The following CNKSR2 variants were observed in gnomAD, a reference collection of about 807,000 sequenced individuals.
CNKSR2 encodes the protein connector enhancer of kinase suppressor of Ras 2.
A neutral mutation model predicts 84.4 loss-of-function variants in CNKSR2; 14 were observed. That is an observed-to-expected ratio of 0.17 (90% CI 0.11 to 0.26). The LOEUF is 0.26. CNKSR2 is among the 10% of genes least tolerant of loss of function. The probability of loss-of-function intolerance (pLI) is 1.00; values close to 1 mark genes in which losing one functional copy is unlikely to be tolerated. For missense variants in CNKSR2, 485 were observed against 771.2 expected, an observed-to-expected ratio of 0.63 and a Z score of 4.40; for synonymous variants, 275 against 277.9, an observed-to-expected ratio of 0.99 and a Z score of 0.10.
intron 5 of CNKSR2, among the ~76,000 whole-genome samples, chrX:21,479,926 C>T (rs1232469789): frequency 1.8e-5 from 2 of 110,968 alleles, no homozygotes; most frequent in African/African-American, 3.3e-5. Context: ...TGTGGGACTG[C>T]ATGATCTGGA....
chrX:21,632,103 A>G (rs936052574), intron 20 of CNKSR2, among the ~76,000 whole-genome samples: 5 of 112,361 alleles, frequency 4.4e-5, no homozygotes, highest in Non-Finnish European at 9.4e-5. Context: ...TTGATTTTAC[A>G]TCTTAGTAAT....
In CNKSR2 at chrX:21,601,377, A is replaced by T. The variant is rs776217137; in HGVS notation, c.2044+28A>T. 3.2e-6 allele frequency: 3 copies of T among 931,007 alleles called. No individual in the cohort carries two copies. The East Asian group carries it at 9.5e-5, about 29-fold the overall frequency. 76.7% of individuals were successfully genotyped at this position (931,007 alleles called of 1,213,427 possible). A position where few individuals can be genotyped will look rare whatever the true frequency, so the allele number is the denominator to read the frequency against. On this transcript the variant is annotated intron_variant, in intron 18 of 21. Transcript: ENST00000379510. ...AAAGGAATACTTTTTTAAAATAATT[A>T]TGTTATACTTTTTTTCCTGCAGTTA...
At chrX:21,516,131 A>AT (rs1316022381) in intron 8 of CNKSR2, among the ~76,000 whole-genome samples, 1 of 111,386 alleles carries the variant, frequency 9.0e-6, no homozygotes, top group Non-Finnish European at 1.9e-5. Context: ...AGGCATATAG[A>AT]TTTTTTAACT....
chrX:21,609,566 G>A lies in CNKSR2; in HGVS notation c.2641G>A (p.Glu881Lys). Residue 881 changes from glutamate to lysine, a missense_variant, in exon 20 of 22, where the codon GAG becomes AAG. Physicochemically the swap from Glu to Lys is moderately conservative, Grantham distance 56. Around this residue, in one of 5 missense-constraint regions of CNKSR2, gnomAD observed 210 missense variants for 291.5 expected, o/e 0.72. Transcript: ENST00000379510. ...ACCCCCAGAGGTGGAGGAAGAGGAG[G>A]AGGAGGAGGAGGAGGAAGGGGAGGC... is the stretch of plus-strand genomic sequence containing the variant. ...VQPPEVEEEE[E>K]EEEEEGEAAG... is the part of the protein sequence containing the mutation. 1.7e-6 allele frequency: 2 copies of A among 1,208,789 alleles called. No individual in the cohort carries two copies. Among genetic ancestry groups the A allele is most frequent in the Non-Finnish European group, 2.2e-6 (2 of 894,486 alleles).
chrX:21,624,659 A>G (rs1453517844), intron 20 of CNKSR2, among the ~76,000 whole-genome samples: 4 of 111,245 alleles, frequency 3.6e-5, no homozygotes, highest in Non-Finnish European at 7.5e-5. Flanking sequence ...GGGTTTCACC[A>G]TGTTGGCCAA....
intron 18 of CNKSR2, among the ~76,000 whole-genome samples, chrX:21,605,457 C>T: frequency 8.9e-6 from 1 of 112,283 alleles, no homozygotes; most frequent in African/African-American, 3.2e-5. Flanking sequence ...TTATTTCCAA[C>T]TTCCATTGCT....
chrX:21,476,612 T>C (rs1198779933), intron 5 of CNKSR2, among the ~76,000 whole-genome samples: 2 of 110,594 alleles, frequency 1.8e-5, no homozygotes, highest in African/African-American at 6.6e-5. Context: ...GGAAGGGAGA[T>C]TGGTTGCAGT....
At chrX:21,516,845 C>T (rs1483206734) in intron 9 of CNKSR2, among the ~76,000 whole-genome samples, 1 of 110,990 alleles carries the variant, frequency 9.0e-6, no homozygotes, top group Admixed American at 9.6e-5. Flanking sequence ...AACAACTCTG[C>T]CTTAATTTGT....
chrX:21,410,196 C>T (rs2090325317), intron 1 of CNKSR2, among the ~76,000 whole-genome samples: 1 of 110,767 alleles, frequency 9.0e-6, no homozygotes, highest in South Asian at 3.8e-4. Context: ...AATACAAAAT[C>T]TCAGGCCACA....
intron 8 of CNKSR2, among the ~76,000 whole-genome samples, chrX:21,510,104 C>T (rs927742938): frequency 9.0e-6 from 1 of 111,140 alleles, no homozygotes; most frequent in Admixed American, 9.6e-5. Context: ...TAGCATGACT[C>T]ATATTACCAG....
intron 4 of CNKSR2, among the ~76,000 whole-genome samples, chrX:21,468,436 G>C (rs931496824): frequency 8.1e-5 from 9 of 110,821 alleles, no homozygotes; most frequent in African/African-American, 3.3e-5. Context: ...GTTTGACTAG[G>C]GGGAATCTCT....
chrX:21,509,395 CT>C (rs1373559930), intron 8 of CNKSR2, among the ~76,000 whole-genome samples: 1 of 111,753 alleles, frequency 8.9e-6, no homozygotes, highest in African/African-American at 3.2e-5. Context: ...CGTATTTCTT[CT>C]TTTCAAATGT....
At chrX:21,386,675 G>C (rs2089974844) in intron 1 of CNKSR2, among the ~76,000 whole-genome samples, 1 of 112,344 alleles carries the variant, frequency 8.9e-6, no homozygotes, top group Non-Finnish European at 1.9e-5. Context: ...AATAGAAAGA[G>C]TTAAGGTGAG....
chrX:21,629,419 C>T (rs1203976037), intron 20 of CNKSR2, among the ~76,000 whole-genome samples: 4 of 112,016 alleles, frequency 3.6e-5, no homozygotes, highest in Non-Finnish European at 7.5e-5. Context: ...CATTTTCACA[C>T]TGCTGATAAA....
chrX:21,472,469 T>TA (rs1288075162), intron 5 of CNKSR2, among the ~76,000 whole-genome samples: 1 of 112,029 alleles, frequency 8.9e-6, no homozygotes, highest in Non-Finnish European at 1.9e-5. Context: ...AACTTAAGAT[T>TA]AAAATTTGTG....
chrX:21,382,539 G>A (rs1307822082), intron 1 of CNKSR2, among the ~76,000 whole-genome samples: 2 of 110,756 alleles, frequency 1.8e-5, no homozygotes, highest in African/African-American at 6.5e-5. Context: ...GCATGATGGA[G>A]TGAAATTGAT....
At chrX:21,553,073 A>C (rs2092107758) in intron 11 of CNKSR2, among the ~76,000 whole-genome samples, 1 of 112,009 alleles carries the variant, frequency 8.9e-6, no homozygotes, top group African/African-American at 3.2e-5. Flanking sequence ...TTGCATCCAC[A>C]GTTTATGCTG....
chrX:21,474,140 A>C, intron 5 of CNKSR2, among the ~76,000 whole-genome samples: 1 of 110,955 alleles, frequency 9.0e-6, no homozygotes, highest in Non-Finnish European at 1.9e-5. Context: ...TTAGGATGCA[A>C]TTGTGAGTTA....
At chrX:21,468,992 G>T (rs1285420854) in intron 4 of CNKSR2, among the ~76,000 whole-genome samples, 3 of 111,855 alleles carry the variant, frequency 2.7e-5, no homozygotes, top group Non-Finnish European at 1.9e-5. Flanking sequence ...TATTTTAACA[G>T]TTCTTTTTGT....
Sources: allele counts gnomAD v4.1 joint callset (sites outside exome capture counted in the v4.1 genomes callset), GRCh38; gene constraint gnomAD v4.1.1; regional missense constraint gnomAD v4.1.1; transcripts MANE v1.5; gene names NCBI Gene and HGNC (gene_info 2026-07-23, HGNC 2026-07-21).